The following TBC1D16 variants were observed in gnomAD, a reference collection of about 807,000 sequenced individuals.
TBC1D16 encodes CTD-2529O21.1.
TBC1D16 carries 58 observed loss-of-function variants against 74.7 expected under a neutral mutation model. The observed-to-expected ratio is 0.78, with a 90% CI of 0.63 to 0.97. The LOEUF (loss-of-function observed/expected upper bound fraction) is 0.97, where lower values mean the gene tolerates loss of function less well. Ranked by LOEUF, TBC1D16 falls within the 50% of genes least tolerant of loss-of-function variation. TBC1D16 has a pLI of 0.00. For synonymous variants in TBC1D16, 493 were observed against 474.7 expected (o/e 1.04, Z -0.50); for missense variants, 1,014 against 1,079.5 (o/e 0.94, Z 0.85).
chr17:80,003,651 A>G (rs1197228277), intron 3 of TBC1D16, among the ~76,000 whole-genome samples: 1 of 152,230 alleles, frequency 6.6e-6, no homozygotes, highest in Admixed American at 6.5e-5. Flanking sequence ...AAGTAAAAAA[A>G]AAAAAAAAGT....
chr17:79,972,899 T>C lies in TBC1D16; in HGVS notation c.780-20081A>G, dbSNP rs192397934. Reference sequence around the variant, plus strand: ...GAGTTCGGGACCAGCCTGGGTAACATGATGAAACCCCGTCTCTACTAAAAT... The same window carrying C: ...GAGTTCGGGACCAGCCTGGGTAACACGATGAAACCCCGTCTCTACTAAAAT... On this transcript the variant is annotated intron_variant, in intron 3 of 11. Coordinates refer to ENST00000310924, the MANE Select transcript of TBC1D16 (RefSeq NM_019020.4). 2.8e-3 allele frequency among the ~76,000 whole-genome samples: 418 copies of C among 151,322 alleles called. 2 individuals carry two copies. Among genetic ancestry groups the C allele is most frequent in the African/African-American group, 9.8e-3 (403 of 41,232 alleles).
In TBC1D16 at chr17:79,942,071, C is replaced by T. The variant is rs768592090; in HGVS notation, c.2044G>A (p.Val682Ile). Residue 682 changes from valine (V) to isoleucine (I), a missense_variant, in exon 11 of 12, where the codon GTT becomes ATT. Coordinates refer to ENST00000310924, the MANE Select transcript of TBC1D16 (RefSeq NM_019020.4). ...NLAMHMNGEL[V>I]LRKARSLLYQ... is the part of the protein sequence containing the mutation. ...TGGGGCAGCCTCACCTTCCGGAGAACGAGCTCCCCGTTCATGTGCATGGCC... is the reference window on the plus strand; with the variant it reads ...TGGGGCAGCCTCACCTTCCGGAGAATGAGCTCCCCGTTCATGTGCATGGCC... 21 of 1,611,398 alleles carry T rather than the reference C, an allele frequency of 1.3e-5. No individual in the cohort carries two copies. Among genetic ancestry groups the T allele is most frequent in the South Asian group, 6.6e-5 (6 of 90,824 alleles).
intron 3 of TBC1D16, among the ~76,000 whole-genome samples, chr17:80,004,130 G>A (rs986877236): frequency 1.3e-4 from 20 of 152,332 alleles, no homozygotes; most frequent in African/African-American, 4.8e-4. Flanking sequence ...TAAAAATTCA[G>A]TTGCACTTGC....
chr17:79,999,538 T>C (rs1171917033), intron 3 of TBC1D16, among the ~76,000 whole-genome samples: 4 of 121,966 alleles, frequency 3.3e-5, no homozygotes, highest in Middle Eastern at 3.7e-3. Context: ...AATTTCTTTT[T>C]TTTTTTTTTT....
Position 79,940,731 on chromosome 17 carries a change from G to A in TBC1D16, c.*128C>T. 2 of 1,154,064 alleles carry A rather than the reference G, an allele frequency of 1.7e-6. No homozygotes were observed. The highest frequency in any genetic ancestry group is 2.3e-6 in the Non-Finnish European group (2 of 867,402). 71.5% of individuals were successfully genotyped at this position (1,154,064 alleles called of 1,614,324 possible). On this transcript the variant is annotated 3_prime_UTR_variant, in exon 12 of 12. Transcript: ENST00000310924. The surrounding 1 kb of genome is among the most constrained non-coding windows in gnomAD (Gnocchi z 5.4). Reference sequence around the variant, plus strand: ...ATTAATATGAAAAGGTTCCTCTCATGTTGCCCAAAAGCATTTTCCTTAGGT... The same window carrying A: ...ATTAATATGAAAAGGTTCCTCTCATATTGCCCAAAAGCATTTTCCTTAGGT...
In TBC1D16 at chr17:80,010,107, A is replaced by T; in HGVS notation, c.779+53T>A. ...TGACGCAGGTGAGTGCTTCCTGCCC[A>T]GGTCAGGCCTTGGGGGCCTCCCGAG... On this transcript the variant is annotated intron_variant, in intron 3 of 11. Coordinates refer to ENST00000310924, the MANE Select transcript of TBC1D16 (RefSeq NM_019020.4). The surrounding 1 kb of genome is among the most constrained non-coding windows in gnomAD (Gnocchi z 8.8). 6.9e-7 allele frequency: 1 copy of T among 1,453,072 alleles called. No individual in the cohort carries two copies. The highest frequency in any genetic ancestry group is 9.4e-7 in the Non-Finnish European group (1 of 1,068,756). The allele number at this position is 1,453,072 out of a possible 1,614,324, so 90.0% of individuals were successfully genotyped here. A position where few individuals can be genotyped will look rare whatever the true frequency, so the allele number is the denominator to read the frequency against.
chr17:79,936,915 T>TGTGTGC lies in TBC1D16; in HGVS notation c.*3943_*3944insGCACAC, dbSNP rs1555852474. The TGTGTGC allele has an allele frequency of 0.021, 2,995 of 143,240 alleles. 59 individuals carry two copies. The highest frequency in any genetic ancestry group is 0.027 in the Non-Finnish European group (1,765 of 65,602). 8.9% of individuals were successfully genotyped at this position (143,240 alleles called of 1,614,324 possible). A position where few individuals can be genotyped will look rare whatever the true frequency, so the allele number is the denominator to read the frequency against. On this transcript the variant is annotated 3_prime_UTR_variant, in exon 12 of 12. Coordinates refer to ENST00000310924, the MANE Select transcript of TBC1D16 (RefSeq NM_019020.4). The stretch of plus-strand genomic sequence containing the variant: ...GCGTGCGTGTGTGCATGTGCGTGTG[T>TGTGTGC]GTGTGTGTGTGTGTGTGTGTGTGTG...
At position 79,944,041 on chromosome 17, in the gene TBC1D16, A is replaced by G. The variant is rs2032282385; in HGVS notation, c.1908+867T>C. ...GGGCCAGGGGCGAGCCGATGACCGC[A>G]TGCAAAGGCGGCGTGTGGTACCGGC... On this transcript the variant is annotated intron_variant, in intron 10 of 11. Transcript: ENST00000310924. The surrounding 1 kb of genome is among the most constrained non-coding windows in gnomAD (Gnocchi z 7.7). 5 of 1,535,870 alleles carry G rather than the reference A, an allele frequency of 3.3e-6. No homozygotes were observed. The Admixed American group carries it at 5.9e-5, about 18-fold the overall frequency.
intron 2 of TBC1D16, among the ~76,000 whole-genome samples, chr17:80,011,147 T>G (rs2035874628): frequency 1.3e-5 from 2 of 150,364 alleles, no homozygotes; most frequent in African/African-American, 4.9e-5. Flanking sequence ...GCTCAAGCAA[T>G]CCTCCCACCT....
chr17:79,964,272 G>C (rs972868043), intron 3 of TBC1D16, among the ~76,000 whole-genome samples: 1 of 152,100 alleles, frequency 6.6e-6, no homozygotes, highest in Non-Finnish European at 1.5e-5. Context: ...CACCATATCC[G>C]GCCAGTTGTT....
intron 3 of TBC1D16, among the ~76,000 whole-genome samples, chr17:79,977,542 G>A (rs542909952): frequency 6.6e-6 from 1 of 152,374 alleles, no homozygotes; most frequent in East Asian, 1.9e-4. Context: ...GGATGGGGGT[G>A]ACGGAGGAGA....
In TBC1D16 at chr17:80,035,236, CTT is replaced by C. The variant is rs11363737; in HGVS notation, c.-63+557_-63+558del. On this transcript the variant is annotated intron_variant, in intron 1 of 11. Transcript: ENST00000310924. The surrounding 1 kb of genome is among the most constrained non-coding windows in gnomAD (Gnocchi z 5.3). ...TTCCTTTCGTTCTTTCTTTCTTTTT[CTT>C]TTTTTTTTTTTCCCAAAGGAAAGAA... Among the ~76,000 whole-genome samples the C allele has an allele frequency of 1.6e-3, 234 of 142,828 alleles. No individual in the cohort carries two copies. Among genetic ancestry groups the C allele is most frequent in the Admixed American group, 1.9e-3 (28 of 14,374 alleles). 93.7% of individuals were successfully genotyped at this position (142,828 alleles called of 152,430 possible).
chr17:79,964,291 T>C (rs779067917), intron 3 of TBC1D16, among the ~76,000 whole-genome samples: 11 of 152,176 alleles, frequency 7.2e-5, no homozygotes, highest in Non-Finnish European at 1.5e-4. Flanking sequence ...TTTTTTGTTG[T>C]TGTTGAGTTT....
intron 3 of TBC1D16, among the ~76,000 whole-genome samples, chr17:79,998,231 C>A (rs2035350511): frequency 6.6e-6 from 1 of 151,608 alleles, no homozygotes; most frequent in Non-Finnish European, 1.5e-5. Context: ...CCTCTTGAGC[C>A]CCCAGCAGGT....
At chr17:80,005,442 C>T (rs2144627099) in intron 3 of TBC1D16, among the ~76,000 whole-genome samples, 1 of 152,304 alleles carries the variant, frequency 6.6e-6, no homozygotes, top group East Asian at 1.9e-4. Flanking sequence ...GCACAGAAAC[C>T]AAGGGCAGGA....
rs951040961 is a variant in TBC1D16 at position 79,932,919 on chromosome 17, T to G, written c.*7940A>C. On this transcript the variant is annotated 3_prime_UTR_variant, in exon 12 of 12. Coordinates refer to ENST00000310924, the MANE Select transcript of TBC1D16 (RefSeq NM_019020.4). ...TAAAATCCCCTCTTTTGTCTCATGT[T>G]GAAGAGCTGATGACATCGGACCTAT... is the stretch of plus-strand genomic sequence containing the variant. The G allele has an allele frequency of 6.6e-6, 1 of 152,246 alleles. No homozygotes were observed. Among genetic ancestry groups the G allele is most frequent in the African/African-American group, 2.4e-5 (1 of 41,472 alleles). The allele number at this position is 152,246 out of a possible 1,614,324, so 9.4% of individuals were successfully genotyped here.
chr17:79,950,509 G>A lies in TBC1D16; in HGVS notation c.1159C>T (p.His387Tyr), dbSNP rs1281108766. 1 of 1,613,494 alleles carries A rather than the reference G, an allele frequency of 6.2e-7. No individual in the cohort carries two copies. Among genetic ancestry groups the A allele is most frequent in the Admixed American group, 1.7e-5 (1 of 59,966 alleles). Reference sequence around the variant, plus strand: ...CTCTTGTACATGCTCTCCTCGGGGTGCGTCTCGGAGGACGGCAGCTTGGGG... The same window carrying A: ...CTCTTGTACATGCTCTCCTCGGGGTACGTCTCGGAGGACGGCAGCTTGGGG... ...RRPKLPSSET[H>Y]PEESMYKRLG... Residue 387 changes from histidine to tyrosine, a missense_variant, in exon 6 of 12, where the codon CAC becomes TAC. His to Tyr is a moderately conservative substitution (Grantham distance 83). Transcript: ENST00000310924. This position sits in a 1 kb window ranked among gnomAD's most constrained non-coding sequence, Gnocchi z 4.6.
At position 79,982,715 on chromosome 17, in the gene TBC1D16, C is replaced by T. The variant is rs147531217; in HGVS notation, c.779+27445G>A. 6.4e-3 allele frequency among the ~76,000 whole-genome samples: 973 copies of T among 151,608 alleles called. 18 individuals are homozygous for T. Among genetic ancestry groups the T allele is most frequent in the African/African-American group, 0.023 (932 of 41,362 alleles). ...TAAAAAAAAAAATACAAAAATTAGC[C>T]GGGTGTAACGGCCGGTGCCTGTAAT... is the stretch of plus-strand genomic sequence containing the variant. On this transcript the variant is annotated intron_variant, in intron 3 of 11. Transcript: ENST00000310924.
intron 2 of TBC1D16, among the ~76,000 whole-genome samples, chr17:80,011,473 C>A (rs2035890196): frequency 6.6e-6 from 1 of 152,162 alleles, no homozygotes; most frequent in Admixed American, 6.5e-5. Context: ...TGCCCAGCTT[C>A]ATGGCTTTAC....
Sources: gnomAD v4.1 joint callset for allele counts (sites outside exome capture counted in the v4.1 genomes callset) on GRCh38, gnomAD v4.1.1 for gene constraint, Gnocchi (gnomAD v3.1) non-coding constraint, MANE v1.5 for transcripts, NCBI Gene and HGNC (gene_info 2026-07-23, HGNC 2026-07-21) for gene names.